Variants in PTPRF observed in about 807,000 individuals in gnomAD.
The protein encoded by PTPRF is protein tyrosine phosphatase receptor type F, also known as receptor-type tyrosine-protein phosphatase F.
A neutral mutation model predicts 201.8 loss-of-function variants in PTPRF; 59 were observed. That is an observed-to-expected ratio of 0.29 (90% CI 0.24 to 0.36). The LOEUF (loss-of-function observed/expected upper bound fraction) is 0.36. Ranked by LOEUF, PTPRF falls within the 10% of genes least tolerant of loss-of-function variation. PTPRF has a pLI of 1.00. For missense variants in PTPRF, 2,132 were observed against 2,690.5 expected (o/e 0.79, Z 4.59); for synonymous variants, 1,088 against 1,089.7 (o/e 1.00, Z 0.03).
In PTPRF at chr1:43,563,917, TGTG is replaced by T. The variant is rs67901823; in HGVS notation, c.380-5668_380-5666del. On this transcript the variant is annotated intron_variant, in intron 5 of 33. Coordinates refer to ENST00000359947, the MANE Select transcript of PTPRF (RefSeq NM_002840.5). ...GCGCAGGGCATGGCCCCTGGGTTCT[TGTG>T]GTGGGGAGGCCTCAACTGGGTTGAG... Among the ~76,000 whole-genome samples the T allele has an allele frequency of 6.3e-3, 964 of 152,016 alleles. 6 individuals carry two copies. The highest frequency in any genetic ancestry group is 0.022 in the African/African-American group (932 of 41,458).
intron 1 of PTPRF, among the ~76,000 whole-genome samples, chr1:43,536,355 C>T (rs926487486): frequency 6.6e-6 from 1 of 152,204 alleles, no homozygotes; most frequent in East Asian, 1.9e-4. Flanking sequence ...TGCCCTCATG[C>T]TGTTCTGTGT....
chr1:43,615,346 C>T (rs1167110428), intron 23 of PTPRF, among the ~76,000 whole-genome samples: 4 of 152,182 alleles, frequency 2.6e-5, no homozygotes, highest in Non-Finnish European at 5.9e-5. Context: ...CCATGTCCTA[C>T]ACCTGCCCTT....
Position 43,610,962 on chromosome 1 carries a change from T to G in PTPRF, c.3973+1464T>G, listed in dbSNP as rs74070628. ...TGCTTTTGCACTGTAAAGGCACCATTAAATAGATGCAGTAGATACCAGATG... is the reference window on the plus strand; with the variant it reads ...TGCTTTTGCACTGTAAAGGCACCATGAAATAGATGCAGTAGATACCAGATG... On this transcript the variant is annotated intron_variant, in intron 22 of 33. Coordinates refer to ENST00000359947, the MANE Select transcript of PTPRF (RefSeq NM_002840.5). Among the ~76,000 whole-genome samples, 165 of 152,378 alleles carry G rather than the reference T, an allele frequency of 1.1e-3. 1 individual carries two copies. The highest frequency in any genetic ancestry group is 3.8e-3 in the African/African-American group (157 of 41,590).
chr1:43,598,195 A>G (rs561832351), intron 12 of PTPRF, 142 bp downstream of exon 12: 1 of 897,658 alleles, frequency 1.1e-6, no homozygotes, highest in African/African-American at 1.7e-5. Context: ...AAGTGGGGGG[A>G]TGTCACTTAC....
chr1:43,602,532 C>T (rs1196104196), intron 14 of PTPRF, among the ~76,000 whole-genome samples: 1 of 152,124 alleles, frequency 6.6e-6, no homozygotes, highest in African/African-American at 2.4e-5. Flanking sequence ...CAGGAGGGGT[C>T]CATGAGGGGG....
At chr1:43,604,288 G>T in intron 16 of PTPRF, 99 bp downstream of exon 16, 1 of 1,275,968 alleles carries the variant, frequency 7.8e-7, no homozygotes, top group Middle Eastern at 2.4e-4. Context: ...TGATCCACCA[G>T]CCTCTGGTGT....
At chr1:43,620,018 C>A (rs1283807960) in intron 29 of PTPRF, 77 bp from the exon 30 acceptor site, 1 of 1,597,128 alleles carries the variant, frequency 6.3e-7, no homozygotes, top group Non-Finnish European at 8.5e-7. Context: ...AGCAGGGCCC[C>A]AAGGGGCTAG....
At chr1:43,555,012 C>T (rs1196939589) in intron 5 of PTPRF, among the ~76,000 whole-genome samples, 1 of 151,944 alleles carries the variant, frequency 6.6e-6, no homozygotes, top group Non-Finnish European at 1.5e-5. Context: ...GCCACCATGC[C>T]TGGCTAATTT....
chr1:43,573,398 ATCCAGAGAGCAGTCTCT>A (rs1646703732), intron 6 of PTPRF, among the ~76,000 whole-genome samples: 1 of 152,228 alleles, frequency 6.6e-6, no homozygotes, highest in Non-Finnish European at 1.5e-5. Context: ...CCATGTGCTC[ATCCAGAGAGCAGTCTCT>A]TCCCCACCCC....
intron 21 of PTPRF, among the ~76,000 whole-genome samples, chr1:43,607,322 G>A (rs1056829204): frequency 2.0e-5 from 3 of 152,168 alleles, no homozygotes; most frequent in African/African-American, 4.8e-5. Flanking sequence ...CTCCTACCTC[G>A]AGTCCTTTCC....
intron 5 of PTPRF, among the ~76,000 whole-genome samples, chr1:43,562,233 C>T (rs908640785): frequency 2.0e-5 from 3 of 152,032 alleles, no homozygotes; most frequent in South Asian, 2.1e-4. Context: ...CTCAGCCTTC[C>T]GAGCAGCTGG....
At position 43,537,263 on chromosome 1, in the gene PTPRF, T is replaced by C. The variant is rs1644080331; in HGVS notation, c.-125-935T>C. Among the ~76,000 whole-genome samples, 1 of 152,222 alleles carries C rather than the reference T, an allele frequency of 6.6e-6. No homozygotes were observed. The highest frequency in any genetic ancestry group is 1.5e-5 in the Non-Finnish European group (1 of 68,030). On this transcript the variant is annotated intron_variant, in intron 1 of 33. Coordinates refer to ENST00000359947, the MANE Select transcript of PTPRF (RefSeq NM_002840.5). This position sits in a 1 kb window ranked among gnomAD's most constrained non-coding sequence, Gnocchi z 4.8. The stretch of plus-strand genomic sequence containing the variant: ...TGGCTCTAGAAGGAAGGGGCTGGGC[T>C]CTGTCGCTGCATGTGTGCCAGCGGA...
intron 29 of PTPRF, 115 bp downstream of exon 29, chr1:43,619,973 G>A: frequency 1.3e-6 from 2 of 1,561,740 alleles, no homozygotes; most frequent in Admixed American, 3.6e-5. Flanking sequence ...GGGCTGGGTA[G>A]AGCAGTGAGG....
Position 43,613,720 on chromosome 1 carries a change from G to C in PTPRF, c.4071+5G>C, listed in dbSNP as rs766280681. 4 of 1,612,586 alleles carry C rather than the reference G, an allele frequency of 2.5e-6. No individual in the cohort carries two copies. The highest frequency in any genetic ancestry group is 3.4e-6 in the Non-Finnish European group (4 of 1,178,608). On this transcript the variant is annotated splice_donor_5th_base_variant and intron_variant, in intron 23 of 33. Transcript: ENST00000359947. ...AAGTTCTCCCAGGAGTATGAGGTGA[G>C]ATGTTCCCGCCCCCTACCATGTGCC... is the stretch of plus-strand genomic sequence containing the variant.
At chr1:43,565,439 T>C (rs1435805262) in intron 5 of PTPRF, among the ~76,000 whole-genome samples, 3 of 152,228 alleles carry the variant, frequency 2.0e-5, no homozygotes, top group Admixed American at 6.5e-5. Flanking sequence ...CTTGCACACA[T>C]ATCTGCGTGA....
rs1644086191 is a variant in PTPRF at position 43,537,327 on chromosome 1, A to G, written c.-125-871A>G. ...GGCACGCCTTCATTTTAAAAATTAT[A>G]GAGTAGAGAAAGTCAAAAATAAATA... On this transcript the variant is annotated intron_variant, in intron 1 of 33. Transcript: ENST00000359947. This position sits in a 1 kb window ranked among gnomAD's most constrained non-coding sequence, Gnocchi z 4.8. Among the ~76,000 whole-genome samples the G allele has an allele frequency of 6.6e-6, 1 of 152,210 alleles. No homozygotes were observed. The highest frequency in any genetic ancestry group is 6.5e-5 in the Admixed American group (1 of 15,288).
intron 7 of PTPRF, among the ~76,000 whole-genome samples, chr1:43,585,042 T>C (rs974221110): frequency 2.0e-5 from 3 of 152,234 alleles, no homozygotes; most frequent in African/African-American, 7.2e-5. Flanking sequence ...GTCTATAAAA[T>C]GTCAGCACTA....
At chr1:43,594,650 G>A (rs1479310330) in intron 11 of PTPRF, among the ~76,000 whole-genome samples, 1 of 152,168 alleles carries the variant, frequency 6.6e-6, no homozygotes, top group Non-Finnish European at 1.5e-5. Context: ...GTCAGACTTG[G>A]TAATGGGTTA....
At chr1:43,573,673 C>T (rs746895236) in intron 6 of PTPRF, among the ~76,000 whole-genome samples, 21 of 152,356 alleles carry the variant, frequency 1.4e-4, no homozygotes, top group Admixed American at 2.6e-4. Flanking sequence ...CTCTTGGACA[C>T]GAATACACCC....
Sources: gnomAD v4.1 joint callset for allele counts (sites outside exome capture counted in the v4.1 genomes callset) on GRCh38, gnomAD v4.1.1 for gene constraint, Gnocchi (gnomAD v3.1) non-coding constraint, MANE v1.5 for transcripts, NCBI Gene and HGNC (gene_info 2026-07-23, HGNC 2026-07-21) for gene names.